The following MYO3A variants were observed in gnomAD, a reference collection of about 807,000 sequenced individuals.
The protein encoded by MYO3A is myosin IIIA.
A neutral mutation model predicts 192.7 loss-of-function variants in MYO3A; 180 were observed. That is an observed-to-expected ratio of 0.93 (90% CI 0.83 to 1.06). The LOEUF (loss-of-function observed/expected upper bound fraction) is 1.06, where lower values mean the gene tolerates loss of function less well. Among genes scored for constraint, MYO3A ranks in the 50% least tolerant of loss-of-function variants. The pLI, the probability that MYO3A is intolerant of heterozygous loss-of-function variation, is 0.00. For synonymous variants in MYO3A, 628 were observed against 645.3 expected (o/e 0.97, Z 0.41); for missense variants, 1,896 against 1,905.0 (o/e 1.00, Z 0.09).
intron 29 of MYO3A, among the ~76,000 whole-genome samples, chr10:26,171,409 T>C (rs1036645673): frequency 6.6e-6 from 1 of 152,148 alleles, no homozygotes; most frequent in Non-Finnish European, 1.5e-5. Context: ...TAACGTTCTC[T>C]TCACCCACCG....
chr10:26,083,034 C>T (rs944836776), intron 14 of MYO3A, among the ~76,000 whole-genome samples: 4 of 152,134 alleles, frequency 2.6e-5, no homozygotes, highest in African/African-American at 4.8e-5. Context: ...GATAGTAGAC[C>T]GCAGCATACA....
chr10:26,107,446 A>C lies in MYO3A; in HGVS notation c.1776+10764A>C, dbSNP rs920224040. ...CAACGAGCCAAGATCACACCATTGC[A>C]CTCCAGCCTGGGCGAAAAGAGTGAA... On this transcript the variant is annotated intron_variant, in intron 17 of 34. Transcript: ENST00000642920. 2.1e-5 allele frequency among the ~76,000 whole-genome samples: 3 copies of C among 145,786 alleles called. No individual in the cohort carries two copies. In the Admixed American group the frequency reaches 2.2e-4, roughly 11 times the overall value.
chr10:25,986,981 C>G (rs999503040), intron 4 of MYO3A, among the ~76,000 whole-genome samples: 1 of 152,118 alleles, frequency 6.6e-6, no homozygotes, highest in African/African-American at 2.4e-5. Context: ...CCATAGTCAC[C>G]AAAACAGCAT....
chr10:25,937,924 A>G (rs907751180), intron 2 of MYO3A, among the ~76,000 whole-genome samples: 3 of 152,236 alleles, frequency 2.0e-5, no homozygotes, highest in Non-Finnish European at 2.9e-5. Flanking sequence ...ATGTGTGTCC[A>G]GTTCATGTGG....
chr10:25,984,979 T>C (rs1263158778), intron 4 of MYO3A, among the ~76,000 whole-genome samples: 1 of 152,180 alleles, frequency 6.6e-6, no homozygotes, highest in African/African-American at 2.4e-5. Context: ...GGCTCATTCC[T>C]GTAATCCCGG....
intron 34 of MYO3A, 31 bp from the exon 35 acceptor site, chr10:26,211,812 T>C: frequency 1.2e-6 from 2 of 1,613,532 alleles, no homozygotes; most frequent in East Asian, 2.2e-5. Context: ...TGTGGTGAGG[T>C]TGACACTTGG....
chr10:26,018,377 AT>A (rs1842095187), intron 7 of MYO3A, among the ~76,000 whole-genome samples: 1 of 152,188 alleles, frequency 6.6e-6, no homozygotes, highest in African/African-American at 2.4e-5. Flanking sequence ...TTTCTAGTTA[AT>A]CAAGATATTC....
chr10:26,211,677 A>G (rs1436460665), intron 34 of MYO3A, among the ~76,000 whole-genome samples, 166 bp from the exon 35 acceptor site: 1 of 152,144 alleles, frequency 6.6e-6, no homozygotes, highest in Non-Finnish European at 1.5e-5. Context: ...GTTGAGAATT[A>G]TCGCAGATAC....
In MYO3A at chr10:26,125,497, T is replaced by G. The variant is rs756880512; in HGVS notation, c.2003T>G (p.Val668Gly). The G allele has an allele frequency of 6.2e-7, 1 of 1,614,072 alleles. No individual in the cohort carries two copies. The highest frequency in any genetic ancestry group is 2.2e-5 in the East Asian group (1 of 44,858). ...GAAACAATTATACGACCCAATACTG[T>G]AGAAAAAGCTACCGATGTCAGGGAT... The part of the protein sequence containing the change: ...RGETIIRPNT[V>G]EKATDVRDAM... Residue 668 changes from valine (V) to glycine (G), a missense_variant, in exon 19 of 35, where the codon GTA becomes GGA. By Grantham distance (109) the Val-to-Gly change is moderately radical. Transcript: ENST00000642920.
chr10:26,075,689 T>C lies in MYO3A; in HGVS notation c.1359+5288T>C, dbSNP rs377217421. On this transcript the variant is annotated intron_variant, in intron 14 of 34. Coordinates refer to ENST00000642920, the MANE Select transcript of MYO3A (RefSeq NM_017433.5). Reference sequence around the variant, plus strand: ...ATATGATATATATATGTCTCTCTCATATATATGATATATATATGTCTCTCT... The same window carrying C: ...ATATGATATATATATGTCTCTCTCACATATATGATATATATATGTCTCTCT... 1.1e-4 allele frequency among the ~76,000 whole-genome samples: 16 copies of C among 143,620 alleles called. No individual in the cohort carries two copies. In the East Asian group the frequency reaches 1.2e-3, roughly 11 times the overall value. 94.2% of individuals were successfully genotyped at this position (143,620 alleles called of 152,430 possible).
intron 10 of MYO3A, among the ~76,000 whole-genome samples, chr10:26,040,498 C>T (rs1588841710): frequency 1.3e-5 from 2 of 152,200 alleles, no homozygotes; most frequent in African/African-American, 4.8e-5. Flanking sequence ...AATGAAAGTA[C>T]CACTACCAAA....
chr10:26,096,246 C>T, intron 15 of MYO3A, 135 bp from the exon 16 acceptor site: 1 of 673,874 alleles, frequency 1.5e-6, no homozygotes, highest in Non-Finnish European at 2.6e-6. Context: ...ATAATGACCA[C>T]AGAAAGCCAA....
chr10:26,116,136 A>G (rs1318516445), intron 17 of MYO3A, among the ~76,000 whole-genome samples: 8 of 152,220 alleles, frequency 5.3e-5, no homozygotes. Context: ...ATAACAAACT[A>G]CCACATACTT....
intron 20 of MYO3A, 117 bp from the exon 21 acceptor site, chr10:26,143,330 CA>C (rs1840275037): frequency 6.4e-6 from 7 of 1,095,918 alleles, no homozygotes; most frequent in African/African-American, 3.2e-5. Flanking sequence ...GTCTCCGTCA[CA>C]AAAAAAGCAA....
At chr10:26,151,603 GT>G (rs1231386190) in intron 23 of MYO3A, among the ~76,000 whole-genome samples, 2 of 151,758 alleles carry the variant, frequency 1.3e-5, no homozygotes, top group African/African-American at 4.8e-5. Context: ...TTGCGTCTTG[GT>G]TTTTTTTAAT....
rs143329588 is a variant in MYO3A, at chr10:26,122,641, A to C, written c.1903+1839A>C. Among the ~76,000 whole-genome samples the C allele has an allele frequency of 3.9e-5, 6 of 152,216 alleles. No homozygotes were observed. The East Asian group carries it at 1.2e-3, about 29-fold the overall frequency. Reference sequence around the variant, plus strand: ...AGGTCATTCTCCACAATTCTTTCAGAAACCACATAACCCATCTATCAGTGG... The same window carrying C: ...AGGTCATTCTCCACAATTCTTTCAGCAACCACATAACCCATCTATCAGTGG... On this transcript the variant is annotated intron_variant, in intron 18 of 34. Coordinates refer to ENST00000642920, the MANE Select transcript of MYO3A (RefSeq NM_017433.5).
At chr10:25,978,947 CTCG>C (rs1189223342) in intron 4 of MYO3A, among the ~76,000 whole-genome samples, 1 of 152,142 alleles carries the variant, frequency 6.6e-6, no homozygotes, top group Non-Finnish European at 1.5e-5. Context: ...ATTATTGCCT[CTCG>C]TCTGCTACTT....
chr10:26,095,984 G>A (rs1564543337), intron 15 of MYO3A, among the ~76,000 whole-genome samples: 1 of 152,042 alleles, frequency 6.6e-6, no homozygotes, highest in Non-Finnish European at 1.5e-5. Context: ...AGGGGCTTAT[G>A]GTGGGTTAAT....
intron 31 of MYO3A, among the ~76,000 whole-genome samples, chr10:26,181,177 T>A (rs1316100316): frequency 6.6e-6 from 1 of 152,144 alleles, no homozygotes; most frequent in East Asian, 1.9e-4. Flanking sequence ...TGATTTGGGA[T>A]GAGGAAATAA....
Sources: allele counts gnomAD v4.1 joint callset (sites outside exome capture counted in the v4.1 genomes callset), GRCh38; gene constraint gnomAD v4.1.1; transcripts MANE v1.5; gene names NCBI Gene and HGNC (gene_info 2026-07-23, HGNC 2026-07-21).